Variants in DDX10 observed in about 807,000 individuals in gnomAD.
DDX10 encodes probable ATP-dependent RNA helicase DDX10.
In DDX10, 74 loss-of-function variants were observed where a neutral mutation model predicts 104.3. That is an observed-to-expected ratio of 0.71 (90% confidence interval 0.59 to 0.86). DDX10 has a LOEUF of 0.86. DDX10 is among the 40% of genes least tolerant of loss of function. DDX10 has a pLI of 0.00. For synonymous variants in DDX10, 351 were observed against 353.4 expected (o/e 0.99, Z 0.08); for missense variants, 952 against 1,040.0 (o/e 0.92, Z 1.16).
intron 3 of DDX10, 67 bp from the exon 4 acceptor site, chr11:108,677,018 G>A (rs2094226256): frequency 2.0e-6 from 3 of 1,487,772 alleles, no homozygotes; most frequent in Non-Finnish European, 1.8e-6. Flanking sequence ...GAGGGGCAAG[G>A]TTGAGATGCA....
At chr11:108,789,670 C>T (rs550983292) in intron 13 of DDX10, among the ~76,000 whole-genome samples, 2 of 152,234 alleles carry the variant, frequency 1.3e-5, no homozygotes, top group South Asian at 2.1e-4. Flanking sequence ...ACTTGTATCT[C>T]AAAAATTGTA....
At chr11:108,848,811 T>C (rs1862753339) in intron 15 of DDX10, among the ~76,000 whole-genome samples, 1 of 151,942 alleles carries the variant, frequency 6.6e-6, no homozygotes, top group Non-Finnish European at 1.5e-5. Context: ...GAGATTGGGG[T>C]TGAGGAGCAG....
At chr11:108,842,273 C>A (rs1269796402) in intron 15 of DDX10, among the ~76,000 whole-genome samples, 1 of 152,104 alleles carries the variant, frequency 6.6e-6, no homozygotes, top group African/African-American at 2.4e-5. Context: ...AGCAGATTGA[C>A]ATTTTTTAAA....
intron 13 of DDX10, among the ~76,000 whole-genome samples, chr11:108,772,725 C>A (rs774214960): frequency 6.6e-6 from 1 of 152,180 alleles, no homozygotes; most frequent in Admixed American, 6.5e-5. Flanking sequence ...GCCTGAGCTC[C>A]GTCTCTTGTC....
chr11:108,671,135 T>TC (rs1339615410), intron 1 of DDX10, among the ~76,000 whole-genome samples: 3 of 152,120 alleles, frequency 2.0e-5, no homozygotes, highest in Non-Finnish European at 4.4e-5. Flanking sequence ...AAGTGATTTT[T>TC]CCCCCCTAAG....
intron 13 of DDX10, among the ~76,000 whole-genome samples, chr11:108,729,216 G>A (rs1203612629): frequency 6.6e-6 from 1 of 152,056 alleles, no homozygotes; most frequent in Non-Finnish European, 1.5e-5. Flanking sequence ...TTGGGTTATC[G>A]ACAGGGTTCT....
chr11:108,678,584 G>A lies in DDX10; in HGVS notation c.658+149G>A, dbSNP rs940355197. Reference sequence around the variant, plus strand: ...ATTACTGAAACATTTTGGCATTTGGGCTCTAAACCCAGAAAGTAAAAGTAG... The same window carrying A: ...ATTACTGAAACATTTTGGCATTTGGACTCTAAACCCAGAAAGTAAAAGTAG... On this transcript the variant is annotated intron_variant, in intron 5 of 17. Coordinates refer to ENST00000322536, the MANE Select transcript of DDX10 (RefSeq NM_004398.4). 6 of 863,750 alleles carry A rather than the reference G, an allele frequency of 6.9e-6. No individual in the cohort carries two copies. The African/African-American group carries it at 8.6e-5, about 12-fold the overall frequency. 53.5% of individuals were successfully genotyped at this position (863,750 alleles called of 1,614,324 possible). A position where few individuals can be genotyped will look rare whatever the true frequency, so the allele number is the denominator to read the frequency against.
At chr11:108,713,698 TATGTCTTGTA>T (rs570772592) in intron 10 of DDX10, among the ~76,000 whole-genome samples, 2 of 152,314 alleles carry the variant, frequency 1.3e-5, no homozygotes, top group South Asian at 4.1e-4. Context: ...TTGCTTTTAG[TATGTCTTGTA>T]ATGTTTTTCA....
At chr11:108,870,842 G>A (rs902198948) in intron 16 of DDX10, among the ~76,000 whole-genome samples, 4 of 152,190 alleles carry the variant, frequency 2.6e-5, no homozygotes, top group African/African-American at 9.7e-5. Flanking sequence ...TGCCTAGACC[G>A]ATACGAACAA....
intron 16 of DDX10, among the ~76,000 whole-genome samples, chr11:108,910,728 C>CGT (rs56191738): frequency 1.6e-4 from 21 of 127,760 alleles, no homozygotes; most frequent in African/African-American, 5.2e-4. Context: ...AGCGTGCATG[C>CGT]GTGTGTGTGT....
intron 13 of DDX10, among the ~76,000 whole-genome samples, chr11:108,805,157 A>G (rs750872830): frequency 1.4e-4 from 22 of 152,194 alleles, no homozygotes; most frequent in Non-Finnish European, 2.9e-4. Context: ...TTGCTTATAT[A>G]TTGTGTTCAT....
intron 16 of DDX10, among the ~76,000 whole-genome samples, chr11:108,891,804 G>T (rs1024143176): frequency 6.6e-6 from 1 of 152,156 alleles, no homozygotes; most frequent in Non-Finnish European, 1.5e-5. Flanking sequence ...TTTGTGAGCA[G>T]CAGGCATGGA....
chr11:108,901,818 T>G (rs1420289153), intron 16 of DDX10, among the ~76,000 whole-genome samples: 1 of 152,212 alleles, frequency 6.6e-6, no homozygotes, highest in Non-Finnish European at 1.5e-5. Context: ...CTAGGGATTT[T>G]GATATCTAGG....
Position 108,937,874 on chromosome 11 carries a change from G to C in DDX10, c.2451-2372G>C, listed in dbSNP as rs979140893. Among the ~76,000 whole-genome samples the C allele has an allele frequency of 3.3e-5, 5 of 152,276 alleles. No individual in the cohort carries two copies. In the East Asian group the frequency reaches 9.6e-4, roughly 29 times the overall value. On this transcript the variant is annotated intron_variant, in intron 17 of 17. Transcript: ENST00000322536. Reference sequence around the variant, plus strand: ...TGTGCTTTATCCATTACGTTGCACTGTCTTAATGCTGAGCAGTGATATGTT... The same window carrying C: ...TGTGCTTTATCCATTACGTTGCACTCTCTTAATGCTGAGCAGTGATATGTT...
intron 9 of DDX10, among the ~76,000 whole-genome samples, chr11:108,701,673 C>CT (rs1268701857): frequency 2.1e-5 from 2 of 96,034 alleles, no homozygotes; most frequent in Admixed American, 1.5e-4. Flanking sequence ...TCTTCTTCTT[C>CT]TCTTTTTTTT....
rs1265924482 is a variant in DDX10, at chr11:108,775,909, A to G, written c.1965+52447A>G. ...AACTTCGTATAATCGTACAGCATGT[A>G]TTATTTTTATGTGTGGTTTTTTTAG... On this transcript the variant is annotated intron_variant, in intron 13 of 17. Coordinates refer to ENST00000322536, the MANE Select transcript of DDX10 (RefSeq NM_004398.4). 2.0e-5 allele frequency among the ~76,000 whole-genome samples: 3 copies of G among 152,150 alleles called. No homozygotes were observed. In the East Asian group the frequency reaches 5.8e-4, roughly 29 times the overall value.
chr11:108,839,761 A>G (rs1709588105), intron 14 of DDX10, among the ~76,000 whole-genome samples: 1 of 152,208 alleles, frequency 6.6e-6, no homozygotes, highest in Non-Finnish European at 1.5e-5. Flanking sequence ...TAAATGACAG[A>G]TAATGAGTCT....
intron 11 of DDX10, among the ~76,000 whole-genome samples, chr11:108,718,961 A>G (rs908400341): frequency 2.0e-5 from 3 of 152,204 alleles, no homozygotes; most frequent in Admixed American, 1.3e-4. Flanking sequence ...TTTAGGAAGT[A>G]TGCAAACAGG....
At chr11:108,675,968 C>A (rs973068791) in intron 3 of DDX10, among the ~76,000 whole-genome samples, 1 of 152,170 alleles carries the variant, frequency 6.6e-6, no homozygotes, top group African/African-American at 2.4e-5. Flanking sequence ...AACTATTGTG[C>A]CTTGACAAGT....
Sources: gnomAD v4.1 joint callset for allele counts (sites outside exome capture counted in the v4.1 genomes callset) on GRCh38, gnomAD v4.1.1 for gene constraint, MANE v1.5 for transcripts, NCBI Gene and HGNC (gene_info 2026-07-23, HGNC 2026-07-21) for gene names.